Variants in HTRA4 observed in about 807,000 individuals in gnomAD.
HTRA4 encodes the protein HtrA serine peptidase 4, also known as serine protease HTRA4.
HTRA4 carries 46 observed loss-of-function variants against 49.1 expected under a neutral mutation model. The observed-to-expected ratio is 0.94, with a 90% CI of 0.74 to 1.20. The LOEUF (loss-of-function observed/expected upper bound fraction) is 1.20. HTRA4 is among the 50% of genes most tolerant of loss of function. The probability of loss-of-function intolerance (pLI) is 0.00; values close to 1 mark genes in which losing one functional copy is unlikely to be tolerated. For missense variants in HTRA4, 602 were observed against 636.9 expected (o/e 0.95, Z 0.59); for synonymous variants, 261 against 264.0 (o/e 0.99, Z 0.11).
intron 1 of HTRA4, 82 bp downstream of exon 1, chr8:38,974,811 C>A: frequency 7.7e-7 from 1 of 1,305,832 alleles, no homozygotes. Context: ...TGAGACCGCA[C>A]AGTTCGCGCC....
chr8:38,979,097 G>A (rs899812102), intron 4 of HTRA4, 118 bp from the exon 5 acceptor site: 5 of 919,678 alleles, frequency 5.4e-6, no homozygotes, highest in Non-Finnish European at 9.0e-6. Flanking sequence ...TGCCGGCCTG[G>A]GGGGAATAGG....
chr8:38,985,048 A>G (rs1197884156), intron 8 of HTRA4, among the ~76,000 whole-genome samples: 1 of 152,244 alleles, frequency 6.6e-6, no homozygotes, highest in Non-Finnish European at 1.5e-5. Context: ...GACAGCTTCC[A>G]AAAGAAGGTT....
Position 38,982,833 on chromosome 8 carries a change from T to C in HTRA4, c.1173-120T>C, listed in dbSNP as rs954855690. On this transcript the variant is annotated intron_variant, in intron 7 of 8. Transcript: ENST00000302495. Reference sequence around the variant, plus strand: ...AGGAGAATGACTGTGATTAGCTTGATGGAATCTTCCTCGGCCCTTGTGAAC... The same window carrying C: ...AGGAGAATGACTGTGATTAGCTTGACGGAATCTTCCTCGGCCCTTGTGAAC... 11 of 692,718 alleles carry C rather than the reference T, an allele frequency of 1.6e-5. No homozygotes were observed. In the Admixed American group the frequency reaches 2.8e-4, roughly 18 times the overall value. The allele number at this position is 692,718 out of a possible 1,614,324, so 42.9% of individuals were successfully genotyped here. A position where few individuals can be genotyped will look rare whatever the true frequency, so the allele number is the denominator to read the frequency against.
intron 5 of HTRA4, among the ~76,000 whole-genome samples, chr8:38,981,192 G>A (rs1287066966): frequency 1.4e-5 from 2 of 140,590 alleles, no homozygotes; most frequent in Non-Finnish European, 3.0e-5. Flanking sequence ...CCATTCTCCT[G>A]CCTCAGCCTC....
rs773034786 is a variant in HTRA4, at chr8:38,988,036, A to G, written c.1369A>G (p.Met457Val). Reference sequence around the variant, plus strand: ...AGCTCTTGACAGTGATTCCCTTTCCATGGCTGTTCTTCGGGGAAAAGATAA... The same window carrying G: ...AGCTCTTGACAGTGATTCCCTTTCCGTGGCTGTTCTTCGGGGAAAAGATAA... ...VKALDSDSLSMAVLRGKDNLL... is the reference protein window; with the variant it reads ...VKALDSDSLSVAVLRGKDNLL... The change falls in exon 9 of 9, where the codon ATG (methionine) becomes GTG (valine). Residue 457 changes from methionine (M) to valine (V), a missense_variant. Coordinates refer to ENST00000302495, the MANE Select transcript of HTRA4 (RefSeq NM_153692.4). 31 of 1,612,358 alleles carry G rather than the reference A, an allele frequency of 1.9e-5. 1 individual carries two copies. In the Middle Eastern group the frequency reaches 1.3e-3, roughly 69 times the overall value.
In HTRA4 at chr8:38,981,066, T is replaced by TTTTTTTG. The variant is rs1476560881; in HGVS notation, c.1000-581_1000-580insGTTTTTT. Among the ~76,000 whole-genome samples the TTTTTTTG allele has an allele frequency of 5.0e-4, 24 of 47,840 alleles. 2 individuals carry two copies. The East Asian group carries it at 0.01, about 21-fold the overall frequency. The allele number at this position is 47,840 out of a possible 152,430, so 31.4% of individuals were successfully genotyped here. ...TAAAGGAAAAAAATGAGCTTAAGTT[T>TTTTTTTG]TTTTTTTTTTTTTTTTTTTTTTTTT... On this transcript the variant is annotated intron_variant, in intron 5 of 8. Coordinates refer to ENST00000302495, the MANE Select transcript of HTRA4 (RefSeq NM_153692.4).
intron 5 of HTRA4, among the ~76,000 whole-genome samples, chr8:38,981,025 A>C (rs1227481488): frequency 6.7e-6 from 1 of 149,210 alleles, no homozygotes; most frequent in African/African-American, 2.5e-5. Context: ...TCACTTTTAA[A>C]GTCAATGTAA....
chr8:38,984,220 C>G (rs922225372), intron 8 of HTRA4, among the ~76,000 whole-genome samples: 1 of 151,486 alleles, frequency 6.6e-6, no homozygotes. Context: ...AGGCTGGTCT[C>G]GAACTCCTGA....
At chr8:38,975,351 G>C (rs1302809312) in intron 2 of HTRA4, among the ~76,000 whole-genome samples, 1 of 152,212 alleles carries the variant, frequency 6.6e-6, no homozygotes, top group Non-Finnish European at 1.5e-5. Context: ...TAGGTGGCTG[G>C]TGCTTTTTCC....
chr8:38,981,582 C>T, intron 5 of HTRA4, 71 bp from the exon 6 acceptor site: 1 of 991,656 alleles, frequency 1.0e-6, no homozygotes, highest in Admixed American at 1.9e-5. Context: ...ACTCCTTCTT[C>T]TGCTTGTTCT....
intron 6 of HTRA4, among the ~76,000 whole-genome samples, chr8:38,982,005 G>A (rs1213420114): frequency 2.0e-5 from 3 of 151,880 alleles, no homozygotes; most frequent in East Asian, 3.9e-4. Context: ...CCACTGCCAC[G>A]CCCAGCTCAT....
chr8:38,979,093 C>A (rs754046168), intron 4 of HTRA4, 122 bp from the exon 5 acceptor site: 8 of 888,716 alleles, frequency 9.0e-6, no homozygotes, highest in Non-Finnish European at 1.3e-5. Flanking sequence ...ATTTTGCCGG[C>A]CTGGGGGGAA....
Position 38,984,158 on chromosome 8 carries a change from G to A in HTRA4, c.1268+1110G>A, listed in dbSNP as rs552704826. ...TGGGATTACAGGCACCCGCCACCAC[G>A]CTTGGTTAATTGTTGTATTTTTAGT... On this transcript the variant is annotated intron_variant, in intron 8 of 8. Coordinates refer to ENST00000302495, the MANE Select transcript of HTRA4 (RefSeq NM_153692.4). Among the ~76,000 whole-genome samples, 12 of 151,896 alleles carry A rather than the reference G, an allele frequency of 7.9e-5. No individual in the cohort carries two copies. In the South Asian group the frequency reaches 2.3e-3, roughly 29 times the overall value.
At chr8:38,974,789 A>G in intron 1 of HTRA4, 60 bp downstream of exon 1, 1 of 1,387,586 alleles carries the variant, frequency 7.2e-7, no homozygotes, top group Non-Finnish European at 9.5e-7. Context: ...GCGTAAAGGA[A>G]CAAGACCTCA....
intron 8 of HTRA4, among the ~76,000 whole-genome samples, chr8:38,984,259 C>T (rs1220741503): frequency 6.6e-6 from 1 of 151,816 alleles, no homozygotes. Context: ...CCTCGGCCTC[C>T]CACAGTACTG....
intron 5 of HTRA4, among the ~76,000 whole-genome samples, chr8:38,981,431 AAAG>A (rs748571182): frequency 2.0e-5 from 3 of 152,060 alleles, no homozygotes; most frequent in Non-Finnish European, 4.4e-5. Flanking sequence ...TTGGCCATGA[AAAG>A]AAGGTAACTT....
chr8:38,984,464 AGGC>A (rs904044256), intron 8 of HTRA4, among the ~76,000 whole-genome samples: 1 of 151,814 alleles, frequency 6.6e-6, no homozygotes, highest in African/African-American at 2.4e-5. Context: ...AATAAAAATT[AGGC>A]CAGGTGCCGT....
rs770966439 is a variant in HTRA4, at chr8:38,974,288, G to A, written c.25G>A (p.Ala9Thr). 8 of 1,612,098 alleles carry A rather than the reference G, an allele frequency of 5.0e-6. No homozygotes were observed. In the South Asian group the frequency reaches 7.7e-5, roughly 16 times the overall value. The stretch of plus-strand genomic sequence containing the variant: ...GATGATTAGACCTCAGCTGCGGACC[G>A]CGGGGCTGGGACGATGCCTCCTGCC... MIRPQLRTAGLGRCLLPGL... is the reference protein window; with the variant it reads MIRPQLRTTGLGRCLLPGL... Residue 9 changes from alanine to threonine, a missense_variant, in exon 1 of 9, where the codon GCG (alanine) becomes ACG (threonine). Coordinates refer to ENST00000302495, the MANE Select transcript of HTRA4 (RefSeq NM_153692.4).
In HTRA4 at chr8:38,974,692, G is replaced by C. The variant is rs887455078; in HGVS notation, c.429G>C (p.Pro143=). The part of the protein sequence containing the change: ...NRAARRLGKV[P]AVPVQWGNCG... ...CCGCGCGCCGCCTGGGCAAGGTCCC[G>C]GCCGTGCCTGTGCAGTGGGGGAACT... The change falls in exon 1 of 9, where the codon CCG becomes CCC. Residue 143 remains proline (P), a synonymous_variant. Coordinates refer to ENST00000302495, the MANE Select transcript of HTRA4 (RefSeq NM_153692.4). 3.5e-6 allele frequency: 5 copies of C among 1,413,490 alleles called. No homozygotes were observed. The highest frequency in any genetic ancestry group is 4.6e-6 in the Non-Finnish European group (5 of 1,094,616). 87.6% of individuals were successfully genotyped at this position (1,413,490 alleles called of 1,614,324 possible). A position where few individuals can be genotyped will look rare whatever the true frequency, so the allele number is the denominator to read the frequency against.
Sources: allele counts gnomAD v4.1 joint callset (sites outside exome capture counted in the v4.1 genomes callset), GRCh38; gene constraint gnomAD v4.1.1; transcripts MANE v1.5; gene names NCBI Gene and HGNC (gene_info 2026-07-23, HGNC 2026-07-21).